DLG5: variants seen among roughly 807,000 people sequenced by gnomAD.
DLG5 encodes the protein discs large MAGUK scaffold protein 5.
In DLG5, 48 loss-of-function variants were observed where a neutral mutation model predicts 189.8. That is an observed-to-expected ratio of 0.25 (90% CI 0.20 to 0.32). The LOEUF (loss-of-function observed/expected upper bound fraction) is 0.32, where lower values mean the gene tolerates loss of function less well. Among genes scored for constraint, DLG5 ranks in the 10% least tolerant of loss-of-function variants. The pLI is 1.00. For missense variants in DLG5, 2,160 were observed against 2,544.7 expected, an observed-to-expected ratio of 0.85 and a Z score of 3.25; for synonymous variants, 1,016 against 1,054.1, an observed-to-expected ratio of 0.96 and a Z score of 0.70.
At chr10:77,876,748 G>GAAA (rs60963892) in intron 1 of DLG5, among the ~76,000 whole-genome samples, 1 of 123,924 alleles carries the variant, frequency 8.1e-6, no homozygotes. Flanking sequence ...AGGAAGGAAG[G>GAAA]AAAAAAAAAA....
chr10:77,819,183 T>G lies in DLG5; in HGVS notation c.3671+138A>C, dbSNP rs549263300. The stretch of plus-strand genomic sequence containing the variant: ...AAGCAGCCCTAAGGCTCCCTTTCCC[T>G]GTGCTGCTCTAGCCAGTCCCCTCCC... On this transcript the variant is annotated intron_variant, in intron 17 of 31. Coordinates refer to ENST00000372391, the MANE Select transcript of DLG5 (RefSeq NM_004747.4). 8 of 1,258,098 alleles carry G rather than the reference T, an allele frequency of 6.4e-6. No individual in the cohort carries two copies. The East Asian group carries it at 1.9e-4, about 30-fold the overall frequency. The allele number at this position is 1,258,098 out of a possible 1,614,324, so 77.9% of individuals were successfully genotyped here.
At chr10:77,909,437 T>C (rs1480679517) in intron 1 of DLG5, among the ~76,000 whole-genome samples, 1 of 151,990 alleles carries the variant, frequency 6.6e-6, no homozygotes, top group African/African-American at 2.4e-5. Context: ...CAAACCACCA[T>C]GGCACGTGTA....
chr10:77,794,454 G>C (rs1327059525), intron 30 of DLG5, among the ~76,000 whole-genome samples: 1 of 152,228 alleles, frequency 6.6e-6, no homozygotes, highest in Non-Finnish European at 1.5e-5. Context: ...GCTCAGCGAA[G>C]GCAACGGCTC....
chr10:77,840,597 T>G (rs1036979266), intron 7 of DLG5, among the ~76,000 whole-genome samples: 4 of 152,110 alleles, frequency 2.6e-5, no homozygotes, highest in African/African-American at 9.7e-5. Context: ...CACATGCCTG[T>G]AATCCCAGCT....
chr10:77,816,850 C>A (rs1842079527), intron 19 of DLG5, 149 bp from the exon 20 acceptor site: 1 of 1,378,960 alleles, frequency 7.3e-7, no homozygotes, highest in East Asian at 2.4e-5. Flanking sequence ...TGCATTGCCC[C>A]CTACCCCCCA....
chr10:77,898,993 C>T (rs1473138244), intron 1 of DLG5, among the ~76,000 whole-genome samples: 3 of 152,222 alleles, frequency 2.0e-5, no homozygotes, highest in Non-Finnish European at 4.4e-5. Flanking sequence ...CACCCCAGAC[C>T]TGCCACTCTC....
At chr10:77,870,943 T>C (rs562629592) in intron 1 of DLG5, among the ~76,000 whole-genome samples, 1 of 151,984 alleles carries the variant, frequency 6.6e-6, no homozygotes, top group Non-Finnish European at 1.5e-5. Context: ...CTAGCAGGCG[T>C]GTCCATCAGA....
chr10:77,915,479 C>T (rs936972636), intron 1 of DLG5, among the ~76,000 whole-genome samples: 6 of 152,196 alleles, frequency 3.9e-5, no homozygotes, highest in Non-Finnish European at 7.3e-5. Flanking sequence ...ACACTGATGT[C>T]GCAAGATGCT....
rs760593845 is a variant in DLG5, at chr10:77,816,632, C to T, written c.3944G>A (p.Cys1315Tyr). The T allele has an allele frequency of 4.6e-5, 75 of 1,613,892 alleles. No homozygotes were observed. Among genetic ancestry groups the T allele is most frequent in the Non-Finnish European group, 6.0e-5 (71 of 1,179,970 alleles). ...GGAGGCTGAGGTCTGGGACTGGCTA[C>T]AAGAGGACAGGGTGTCGATGTTCAG... is the stretch of plus-strand genomic sequence containing the variant. ...SPLNIDTLSSCSQSQTSASTL... is the reference protein window; with the variant it reads ...SPLNIDTLSSYSQSQTSASTL... The change falls in exon 20 of 32, where the codon TGT (cysteine) becomes TAT (tyrosine). Residue 1315 changes from cysteine to tyrosine, a missense_variant. Around this residue, in one of 5 missense-constraint regions of DLG5, gnomAD observed 754 missense variants for 746.5 expected, o/e 1.01. Coordinates refer to ENST00000372391, the MANE Select transcript of DLG5 (RefSeq NM_004747.4).
chr10:77,833,155 C>T (rs1842957790), intron 9 of DLG5, among the ~76,000 whole-genome samples: 1 of 152,094 alleles, frequency 6.6e-6, no homozygotes, highest in Non-Finnish European at 1.5e-5. Flanking sequence ...CTATTGGGCT[C>T]TGCCAATTTC....
intron 9 of DLG5, among the ~76,000 whole-genome samples, chr10:77,833,340 T>C (rs1343498556): frequency 2.4e-5 from 2 of 84,862 alleles, no homozygotes; most frequent in Non-Finnish European, 4.4e-5. Flanking sequence ...GGGGTTGCAA[T>C]TGCCTTTAAA....
Position 77,796,601 on chromosome 10 carries a change from G to A in DLG5, c.5165-7C>T. 1.2e-6 allele frequency: 2 copies of A among 1,613,710 alleles called. No homozygotes were observed. Among genetic ancestry groups the A allele is most frequent in the Non-Finnish European group, 1.7e-6 (2 of 1,179,804 alleles). On this transcript the variant is annotated splice_region_variant and splice_polypyrimidine_tract_variant and intron_variant, in intron 27 of 31. Coordinates refer to ENST00000372391, the MANE Select transcript of DLG5 (RefSeq NM_004747.4). This position sits in a 1 kb window ranked among gnomAD's most constrained non-coding sequence, Gnocchi z 5.2. ...TAGGCCAGGCTCACCGAATCTGAGGGAGAGAGAGCAGCAGCGTCACGGACC... is the reference window on the plus strand; with the variant it reads ...TAGGCCAGGCTCACCGAATCTGAGGAAGAGAGAGCAGCAGCGTCACGGACC...
Position 77,821,329 on chromosome 10 carries a change from G to C in DLG5, c.3155C>G (p.Pro1052Arg). 1 of 1,613,240 alleles carries C rather than the reference G, an allele frequency of 6.2e-7. No individual in the cohort carries two copies. Among genetic ancestry groups the C allele is most frequent in the Admixed American group, 1.7e-5 (1 of 60,028 alleles). ...GGGCTCCCCGGGGTCCACGTCAGGG[G>C]GCAGGGCGCTCGGGGGACTAGTGGA... ...SPSTSPPSAL[P>R]PDVDPGEPMH... is the part of the protein sequence containing the mutation. Residue 1052 changes from proline (P) to arginine (R), a missense_variant, in exon 15 of 32, where the codon CCC (proline) becomes CGC (arginine). Coordinates refer to ENST00000372391, the MANE Select transcript of DLG5 (RefSeq NM_004747.4).
chr10:77,882,484 C>A (rs764320286), intron 1 of DLG5, among the ~76,000 whole-genome samples: 1 of 152,156 alleles, frequency 6.6e-6, no homozygotes, highest in Non-Finnish European at 1.5e-5. Context: ...CAAATCTTTC[C>A]CAGTCTTCCT....
intron 5 of DLG5, among the ~76,000 whole-genome samples, chr10:77,851,686 G>A (rs890685610): frequency 6.6e-5 from 10 of 152,206 alleles, no homozygotes; most frequent in African/African-American, 2.2e-4. Context: ...TGCTGAGCCT[G>A]CCCTGGTTAC....
At chr10:77,863,056 T>C (rs954793232) in intron 2 of DLG5, among the ~76,000 whole-genome samples, 2 of 152,200 alleles carry the variant, frequency 1.3e-5, no homozygotes, top group Non-Finnish European at 2.9e-5. Flanking sequence ...CATTTTACTG[T>C]ATGTAAATTA....
chr10:77,807,073 T>G lies in DLG5; in HGVS notation c.4797-145A>C, dbSNP rs79978645. ...ATCAGGAATCGCCGAGGGTGGTGATTCTCAAAGTGGGGAGCCCTGTGTTTT... is the reference window on the plus strand; with the variant it reads ...ATCAGGAATCGCCGAGGGTGGTGATGCTCAAAGTGGGGAGCCCTGTGTTTT... On this transcript the variant is annotated intron_variant, in intron 25 of 31. Coordinates refer to ENST00000372391, the MANE Select transcript of DLG5 (RefSeq NM_004747.4). The G allele has an allele frequency of 7.8e-3, 6,960 of 897,464 alleles. 331 individuals carry two copies. The African/African-American group carries it at 0.1, about 14-fold the overall frequency. The allele number at this position is 897,464 out of a possible 1,614,324, so 55.6% of individuals were successfully genotyped here. A position where few individuals can be genotyped will look rare whatever the true frequency, so the allele number is the denominator to read the frequency against.
At chr10:77,836,019 G>A (rs1475656737) in intron 7 of DLG5, 97 bp from the exon 8 acceptor site, 2 of 1,290,398 alleles carry the variant, frequency 1.5e-6, no homozygotes, top group African/African-American at 3.0e-5. Flanking sequence ...GAGGCTCTAG[G>A]GAGCTGGATG....
chr10:77,853,630 C>T, intron 4 of DLG5, 93 bp from the exon 5 acceptor site: 3 of 1,282,384 alleles, frequency 2.3e-6, no homozygotes, highest in African/African-American at 3.0e-5. Context: ...CCCAACACTT[C>T]CCGTAGATAC....
Sources: gnomAD v4.1 joint callset for allele counts (sites outside exome capture counted in the v4.1 genomes callset) on GRCh38, gnomAD v4.1.1 for gene constraint, gnomAD v4.1.1 regional missense constraint, Gnocchi (gnomAD v3.1) non-coding constraint, MANE v1.5 for transcripts, NCBI Gene and HGNC (gene_info 2026-07-23, HGNC 2026-07-21) for gene names.